The following AKAP19 variants were observed in gnomAD, a reference collection of about 807,000 sequenced individuals.
AKAP19 encodes small A-kinase anchoring protein.
At chr2:189,891,367 C>T in the AKAP19 span, among the ~76,000 whole-genome samples, 1 of 151,188 alleles carries the variant, frequency 6.6e-6, no homozygotes, top group Non-Finnish European at 1.5e-5. Context: ...GGGACTACAG[C>T]CCCATGCCAC....
At chr2:190,198,447 C>G in the AKAP19 span, among the ~76,000 whole-genome samples, 1 of 151,886 alleles carries the variant, frequency 6.6e-6, no homozygotes, top group Non-Finnish European at 1.5e-5. Flanking sequence ...TCAAGACCAG[C>G]CTGGGCAAAA....
the AKAP19 span, among the ~76,000 whole-genome samples, chr2:190,018,039 T>C: frequency 6.6e-6 from 1 of 152,198 alleles, no homozygotes; most frequent in South Asian, 2.1e-4. Flanking sequence ...CTACCTTGTA[T>C]ATGATATGTT....
At chr2:190,192,558 G>T in the AKAP19 span, among the ~76,000 whole-genome samples, 1 of 151,450 alleles carries the variant, frequency 6.6e-6, no homozygotes, top group African/African-American at 2.4e-5. Flanking sequence ...GAATCCATTT[G>T]TCAATGTCTA....
chr2:189,922,566 C>T, the AKAP19 span, among the ~76,000 whole-genome samples: 1 of 152,220 alleles, frequency 6.6e-6, no homozygotes, highest in Admixed American at 6.5e-5. Context: ...GCTGTACTTT[C>T]ACAGTCATTT....
At chr2:189,957,464 G>A in the AKAP19 span, among the ~76,000 whole-genome samples, 12,665 of 152,148 alleles carry the variant, frequency 0.083, 1,480 homozygotes, top group African/African-American at 0.25. Flanking sequence ...TATGCCTTTT[G>A]TAGCTCTAAG....
At chr2:190,175,016 G>T in the AKAP19 span, among the ~76,000 whole-genome samples, 1 of 152,130 alleles carries the variant, frequency 6.6e-6, no homozygotes, top group East Asian at 1.9e-4. Flanking sequence ...GGAGTACATA[G>T]TTCCTATCCT....
At chr2:189,945,521 C>G in the AKAP19 span, among the ~76,000 whole-genome samples, 104,710 of 152,118 alleles carry the variant, frequency 0.69, 36,965 homozygotes, top group East Asian at 0.86. Context: ...TTCCTATTCA[C>G]AAAAACTGAT....
the AKAP19 span, among the ~76,000 whole-genome samples, chr2:190,083,149 C>T: frequency 6.6e-6 from 1 of 152,078 alleles, no homozygotes; most frequent in Non-Finnish European, 1.5e-5. Flanking sequence ...GAGGCCAAGG[C>T]GGGTGGATCA....
chr2:190,174,377 A>G, the AKAP19 span, among the ~76,000 whole-genome samples: 3 of 152,198 alleles, frequency 2.0e-5, 1 homozygote, highest in Middle Eastern at 6.3e-3. Flanking sequence ...CAGATTAAAT[A>G]CAGTCCCTTG....
At chr2:190,059,915 T>C in the AKAP19 span, 3 of 705,816 alleles carry the variant, frequency 4.3e-6, no homozygotes, top group Non-Finnish European at 6.9e-6. Flanking sequence ...ACACCTACTT[T>C]TATTGGGTAC....
At chr2:190,043,064 G>A in the AKAP19 span, among the ~76,000 whole-genome samples, 2 of 152,202 alleles carry the variant, frequency 1.3e-5, no homozygotes, top group Admixed American at 6.5e-5. Flanking sequence ...GAGGTCAGCT[G>A]TTAGCTTGAT....
the AKAP19 span, among the ~76,000 whole-genome samples, chr2:189,966,678 A>G: frequency 6.6e-6 from 1 of 152,192 alleles, no homozygotes; most frequent in Non-Finnish European, 1.5e-5. Context: ...ACAAATAAGT[A>G]AACCTGGGGA....
the AKAP19 span, among the ~76,000 whole-genome samples, chr2:190,038,901 T>TTTCTTTCTTTCTTTCTTCTTC: frequency 1.7e-4 from 8 of 46,024 alleles, no homozygotes; most frequent in Admixed American, 2.6e-4. Context: ...TCTTTCTTTC[T>TTTCTTTCTTTCTTTCTTCTTC]TTCTTCTTCT....
chr2:190,122,221 AG>A, the AKAP19 span, among the ~76,000 whole-genome samples: 3 of 152,234 alleles, frequency 2.0e-5, no homozygotes, highest in African/African-American at 7.2e-5. Context: ...CATTGATAAA[AG>A]GGGCATTTGA....
chr2:189,928,268 T>C, the AKAP19 span, among the ~76,000 whole-genome samples: 1 of 152,138 alleles, frequency 6.6e-6, no homozygotes, highest in Non-Finnish European at 1.5e-5. Flanking sequence ...TGAAGGCCCA[T>C]TGTATCAATT....
At chr2:189,969,869 C>CTTTT in the AKAP19 span, among the ~76,000 whole-genome samples, 320 of 109,898 alleles carry the variant, frequency 2.9e-3, no homozygotes, top group Middle Eastern at 9.8e-3. Context: ...TCTTCTTCTT[C>CTTTT]TTTTTTTTTT....
chr2:190,086,944 A>G, the AKAP19 span, among the ~76,000 whole-genome samples: 118 of 152,298 alleles, frequency 7.7e-4, no homozygotes, highest in African/African-American at 2.8e-3. Flanking sequence ...CTTCCATTCA[A>G]AGGAACCCTT....
the AKAP19 span, among the ~76,000 whole-genome samples, chr2:189,956,901 AT>A: frequency 6.6e-6 from 1 of 152,320 alleles, no homozygotes; most frequent in South Asian, 2.1e-4. Flanking sequence ...TATTTTTATG[AT>A]AATTTCAATT....
the AKAP19 span, among the ~76,000 whole-genome samples, chr2:189,984,207 A>G: frequency 9.9e-5 from 15 of 152,268 alleles, no homozygotes; most frequent in East Asian, 2.9e-3. Context: ...CCTCTTCCTA[A>G]TAAGCCTGGG....
Sources: gnomAD v4.1 joint callset for allele counts (sites outside exome capture counted in the v4.1 genomes callset) on GRCh38, gnomAD v4.1.1 for gene constraint, MANE v1.5 for transcripts, NCBI Gene and HGNC (gene_info 2026-07-23, HGNC 2026-07-21) for gene names.